The following GLYATL3 variants were observed in gnomAD, a reference collection of about 807,000 sequenced individuals.
GLYATL3 encodes glycine N-acyltransferase-like protein 3.
GLYATL3 carries 31 observed loss-of-function variants against 28.5 expected under a neutral mutation model. The ratio of observed to expected loss-of-function variants is 1.09; its 90% confidence interval spans 0.82 to 1.47. GLYATL3 has a LOEUF of 1.47. Ranked by LOEUF, GLYATL3 falls within the 40% of genes most tolerant of loss-of-function variation. GLYATL3 has a pLI of 0.00. For synonymous variants in GLYATL3, 141 were observed against 140.2 expected (o/e 1.01, Z -0.04); for missense variants, 369 against 351.5 (o/e 1.05, Z -0.40).
At chr6:49,514,928 G>T (rs1023698951) in intron 2 of GLYATL3, among the ~76,000 whole-genome samples, 3 of 151,754 alleles carry the variant, frequency 2.0e-5, no homozygotes, top group Non-Finnish European at 2.9e-5. Flanking sequence ...TAAAAGAAGG[G>T]CAAACTTTAA....
At chr6:49,501,157 TG>T (rs1323660993) in intron 1 of GLYATL3, among the ~76,000 whole-genome samples, 2 of 152,102 alleles carry the variant, frequency 1.3e-5, no homozygotes, top group Non-Finnish European at 2.9e-5. Context: ...CCCAGCACTT[TG>T]GGGGGCCAAG....
chr6:49,516,909 A>G (rs1392818110), intron 3 of GLYATL3, among the ~76,000 whole-genome samples: 2 of 151,842 alleles, frequency 1.3e-5, no homozygotes, highest in South Asian at 2.1e-4. Context: ...TGTAATGCCA[A>G]CACTTTGGGA....
At chr6:49,513,427 A>G (rs1033960745) in intron 2 of GLYATL3, among the ~76,000 whole-genome samples, 2 of 152,196 alleles carry the variant, frequency 1.3e-5, no homozygotes, top group Admixed American at 6.5e-5. Flanking sequence ...CAAATCCTAT[A>G]CAAATAAGTT....
intron 1 of GLYATL3, among the ~76,000 whole-genome samples, chr6:49,508,780 T>C (rs1769062904): frequency 6.6e-6 from 1 of 152,146 alleles, no homozygotes; most frequent in African/African-American, 2.4e-5. Context: ...ATTTTGTATT[T>C]ACAATAATCA....
intron 4 of GLYATL3, among the ~76,000 whole-genome samples, chr6:49,521,025 TAAAGA>T (rs1040586815): frequency 3.9e-5 from 6 of 152,074 alleles, no homozygotes; most frequent in South Asian, 2.1e-4. Context: ...CTAAATAAAA[TAAAGA>T]AAAGAAACCA....
chr6:49,524,602 G>A (rs1387491458), intron 5 of GLYATL3, among the ~76,000 whole-genome samples: 1 of 152,116 alleles, frequency 6.6e-6, no homozygotes, highest in African/African-American at 2.4e-5. Context: ...TACAGTGAAA[G>A]CTAGTGGCCT....
rs1554164910 is a variant in GLYATL3 at position 49,510,046 on chromosome 6, A to AT, written c.-28-1910dup. On this transcript the variant is annotated intron_variant, in intron 1 of 5. Coordinates refer to ENST00000371197, the MANE Select transcript of GLYATL3 (RefSeq NM_001010904.2). ...CTTTATTTCATTTATTTATTTATTT[A>AT]TTTTTTTGACGGAGTTTTGCACTTG... 4.6e-3 allele frequency among the ~76,000 whole-genome samples: 399 copies of AT among 86,462 alleles called. 3 individuals are homozygous for AT. The highest frequency in any genetic ancestry group is 0.011 in the African/African-American group (207 of 19,534). 56.7% of individuals were successfully genotyped at this position (86,462 alleles called of 152,430 possible). A position where few individuals can be genotyped will look rare whatever the true frequency, so the allele number is the denominator to read the frequency against.
intron 1 of GLYATL3, among the ~76,000 whole-genome samples, chr6:49,500,727 T>A (rs1175958783): frequency 4.6e-5 from 7 of 152,202 alleles, no homozygotes; most frequent in Admixed American, 4.6e-4. Context: ...AACTTCCAAT[T>A]CCAGAACATA....
At chr6:49,522,267 C>T (rs1769329564) in intron 5 of GLYATL3, among the ~76,000 whole-genome samples, 2 of 152,072 alleles carry the variant, frequency 1.3e-5, no homozygotes, top group East Asian at 1.9e-4. Flanking sequence ...GCCCCTCCCA[C>T]CCCCACACAC....
chr6:49,517,687 A>G (rs1011496131), intron 4 of GLYATL3, 131 bp downstream of exon 4: 6 of 557,114 alleles, frequency 1.1e-5, no homozygotes, highest in Non-Finnish European at 1.7e-5. Context: ...GTATAAATAC[A>G]TACACATACA....
At chr6:49,524,984 AAAAAAAAG>A (rs1769380126) in intron 5 of GLYATL3, among the ~76,000 whole-genome samples, 1 of 151,316 alleles carries the variant, frequency 6.6e-6, no homozygotes, top group African/African-American at 2.4e-5. Flanking sequence ...AAAAAAAAAA[AAAAAAAAG>A]AACAAACATT....
At chr6:49,520,783 A>G (rs951979120) in intron 4 of GLYATL3, among the ~76,000 whole-genome samples, 2 of 152,212 alleles carry the variant, frequency 1.3e-5, no homozygotes, top group Admixed American at 1.3e-4. Context: ...TGGGAGACCA[A>G]GGCAGGAGGA....
At chr6:49,520,702 C>T (rs182276847) in intron 4 of GLYATL3, among the ~76,000 whole-genome samples, 154 of 152,194 alleles carry the variant, frequency 1.0e-3, no homozygotes, top group African/African-American at 3.6e-3. Context: ...AGGAATCATA[C>T]TATAACCTCT....
chr6:49,518,938 C>A (rs1358782134), intron 4 of GLYATL3, among the ~76,000 whole-genome samples: 1 of 139,694 alleles, frequency 7.2e-6, no homozygotes, highest in African/African-American at 2.5e-5. Context: ...GAGACTCCAT[C>A]TCAAAAAAAA....
intron 1 of GLYATL3, among the ~76,000 whole-genome samples, chr6:49,508,492 A>G (rs1377151751): frequency 6.6e-6 from 1 of 152,218 alleles, no homozygotes; most frequent in Admixed American, 6.5e-5. Context: ...TTAACCCTAA[A>G]GAGGCCTAGA....
chr6:49,510,673 A>G (rs1316346624), intron 1 of GLYATL3, among the ~76,000 whole-genome samples: 1 of 152,214 alleles, frequency 6.6e-6, no homozygotes. Context: ...TGATGGCTGT[A>G]CTTCTTTCTT....
At chr6:49,517,751 A>G (rs1250028185) in intron 4 of GLYATL3, among the ~76,000 whole-genome samples, 195 bp downstream of exon 4, 1 of 152,074 alleles carries the variant, frequency 6.6e-6, no homozygotes, top group Admixed American at 6.5e-5. Context: ...CTCATTTGTC[A>G]CTTCTAATGA....
chr6:49,516,027 C>T (rs780273012), intron 3 of GLYATL3, among the ~76,000 whole-genome samples: 1 of 150,758 alleles, frequency 6.6e-6, no homozygotes, highest in African/African-American at 2.4e-5. Flanking sequence ...CTCCACTTCC[C>T]AGGTTGAACC....
rs1768884852 is a variant in GLYATL3, at chr6:49,500,000, T to C, written c.-71T>C. The stretch of plus-strand genomic sequence containing the variant: ...TTATATAAAAGGGCTACTGGACTGA[T>C]ACACAGCTGAAAACCCTCAGTTCTG... On this transcript the variant is annotated 5_prime_UTR_variant, in exon 1 of 6. Transcript: ENST00000371197. 6.6e-6 allele frequency: 1 copy of C among 152,114 alleles called. No individual in the cohort carries two copies. The highest frequency in any genetic ancestry group is 1.5e-5 in the Non-Finnish European group (1 of 68,022). 9.4% of individuals were successfully genotyped at this position (152,114 alleles called of 1,614,324 possible). A position where few individuals can be genotyped will look rare whatever the true frequency, so the allele number is the denominator to read the frequency against.
Sources: allele counts gnomAD v4.1 joint callset (sites outside exome capture counted in the v4.1 genomes callset), GRCh38; gene constraint gnomAD v4.1.1; transcripts MANE v1.5; gene names NCBI Gene and HGNC (gene_info 2026-07-23, HGNC 2026-07-21).